Variants in ZNF808 observed in about 807,000 individuals in gnomAD.
ZNF808 encodes zinc finger protein 808.
ZNF808 carries 5 observed loss-of-function variants against 8.7 expected under a neutral mutation model. That is an observed-to-expected ratio of 0.58 (90% confidence interval 0.30 to 1.21). ZNF808 has a LOEUF of 1.21. Ranked by LOEUF, ZNF808 falls within the 50% of genes most tolerant of loss-of-function variation. The probability of loss-of-function intolerance (pLI) is 0.07; values close to 1 mark genes in which losing one functional copy is unlikely to be tolerated. For synonymous variants in ZNF808, 380 were observed against 366.0 expected (o/e 1.04, Z -0.44); for missense variants, 1,103 against 1,098.4 (o/e 1.00, Z -0.06).
chr19:52,567,131 C>T (rs562541349), downstream of ZNF808, among the ~76,000 whole-genome samples: 1 of 151,926 alleles, frequency 6.6e-6, no homozygotes, highest in Non-Finnish European at 1.5e-5. Flanking sequence ...GTTGAATTTT[C>T]AGTAGAGACG....
downstream of ZNF808, among the ~76,000 whole-genome samples, chr19:52,559,150 A>C (rs555120222): frequency 4.5e-4 from 69 of 152,072 alleles, no homozygotes; most frequent in African/African-American, 1.4e-3. Flanking sequence ...TAAAAGAGGA[A>C]GGCCTCTTTG....
intron 1 of ZNF808, among the ~76,000 whole-genome samples, chr19:52,531,617 G>C (rs970458660): frequency 5.9e-5 from 9 of 151,990 alleles, no homozygotes; most frequent in South Asian, 2.1e-4. Flanking sequence ...TCTGAACATC[G>C]CTTTTGGCCA....
At chr19:52,546,899 C>T (rs1175517975) in intron 3 of ZNF808, among the ~76,000 whole-genome samples, 1 of 150,286 alleles carries the variant, frequency 6.7e-6, no homozygotes, top group African/African-American at 2.5e-5. Flanking sequence ...GCCTTGGTCT[C>T]CCAAAATGCT....
intron 3 of ZNF808, 143 bp downstream of exon 3, chr19:52,543,490 A>C: frequency 8.0e-7 from 1 of 1,249,066 alleles, no homozygotes; most frequent in Non-Finnish European, 1.1e-6. Flanking sequence ...ACTTGCACTC[A>C]CCCATGCCTG....
intron 3 of ZNF808, among the ~76,000 whole-genome samples, chr19:52,544,542 G>A (rs2059703009): frequency 6.6e-6 from 1 of 152,048 alleles, no homozygotes; most frequent in South Asian, 2.1e-4. Flanking sequence ...TGTTCGTTAT[G>A]CTGATCTGGA....
chr19:52,557,039 C>T (rs1833234273), downstream of ZNF808, among the ~76,000 whole-genome samples: 1 of 152,246 alleles, frequency 6.6e-6, no homozygotes, highest in Non-Finnish European at 1.5e-5. Context: ...GTGGTGCGAT[C>T]TCAGCTCTGC....
intron 2 of ZNF808, among the ~76,000 whole-genome samples, chr19:52,537,197 C>A (rs536063): frequency 3.3e-5 from 5 of 150,396 alleles, no homozygotes; most frequent in South Asian, 4.2e-4. Context: ...AAAAAAAAAG[C>A]GGTTAAATAA....
chr19:52,543,445 T>A (rs2059692041), intron 3 of ZNF808, 98 bp downstream of exon 3: 1 of 1,497,720 alleles, frequency 6.7e-7, no homozygotes, highest in East Asian at 2.3e-5. Flanking sequence ...GCAGCCAGTC[T>A]TTTCTGAGTC....
At chr19:52,537,040 G>T (rs1349745487) in intron 2 of ZNF808, among the ~76,000 whole-genome samples, 1 of 152,030 alleles carries the variant, frequency 6.6e-6, no homozygotes, top group Non-Finnish European at 1.5e-5. Flanking sequence ...TACAAAACTA[G>T]CTGGGCGCGG....
chr19:52,533,842 CCAAAAAA>C (rs1234940209), intron 2 of ZNF808, among the ~76,000 whole-genome samples: 2 of 55,238 alleles, frequency 3.6e-5, no homozygotes, highest in African/African-American at 1.5e-4. Flanking sequence ...GACTCCGTCT[CCAAAAAA>C]AAAAAAAAAA....
intron 2 of ZNF808, among the ~76,000 whole-genome samples, chr19:52,541,886 C>T (rs2059674275): frequency 6.6e-6 from 1 of 152,116 alleles, no homozygotes; most frequent in Admixed American, 6.6e-5. Context: ...CAGGTGTCCA[C>T]GAGTGGCTTT....
chr19:52,539,235 G>A (rs1460689789), intron 2 of ZNF808, among the ~76,000 whole-genome samples: 6 of 129,214 alleles, frequency 4.6e-5, no homozygotes, highest in African/African-American at 9.0e-5. Flanking sequence ...TCTGTGTCAC[G>A]CAGGCTGGAG....
chr19:52,561,841 C>G (rs113789412), intron 3 of ZNF808, among the ~76,000 whole-genome samples: 91 of 152,298 alleles, frequency 6.0e-4, no homozygotes, highest in African/African-American at 2.1e-3. Flanking sequence ...GCCACGGTGC[C>G]TGGCTGCCTC....
intron 2 of ZNF808, among the ~76,000 whole-genome samples, chr19:52,537,354 T>G (rs2059623323): frequency 3.4e-5 from 5 of 145,160 alleles, no homozygotes; most frequent in East Asian, 2.1e-4. Context: ...AAGGGGAGAA[T>G]GAGAGATATG....
chr19:52,529,113 C>A (rs1396031110), intron 1 of ZNF808, among the ~76,000 whole-genome samples: 1 of 151,758 alleles, frequency 6.6e-6, no homozygotes, highest in African/African-American at 2.4e-5. Context: ...CAGTGGCTCA[C>A]GCCTGTAGTC....
At chr19:52,540,951 T>TGTTTGTTTGTTTTTCTTTGAGA (rs1161376917) in intron 2 of ZNF808, among the ~76,000 whole-genome samples, 1 of 152,092 alleles carries the variant, frequency 6.6e-6, no homozygotes, top group Non-Finnish European at 1.5e-5. Flanking sequence ...AATTTTTGTT[T>TGTTTGTTTGTTTTTCTTTGAGA]GTTTGTTTGT....
intron 2 of ZNF808, among the ~76,000 whole-genome samples, chr19:52,538,855 A>G (rs2059640110): frequency 6.6e-6 from 1 of 152,188 alleles, no homozygotes; most frequent in Admixed American, 6.5e-5. Flanking sequence ...TTCTCTGTTT[A>G]TAAGGTAACA....
rs555198970 is a variant in ZNF808 at position 52,544,341 on chromosome 19, T to C, written c.63+994T>C. ...TGTATGTGTGTATATTATGTATGTA[T>C]TTATTTATTTTAAGATGGAGTCTCA... On this transcript the variant is annotated intron_variant, in intron 3 of 4. Coordinates refer to ENST00000359798, the MANE Select transcript of ZNF808 (RefSeq NM_001039886.4). Among the ~76,000 whole-genome samples, 17 of 152,204 alleles carry C rather than the reference T, an allele frequency of 1.1e-4. No homozygotes were observed. The South Asian group carries it at 3.3e-3, about 30-fold the overall frequency.
At chr19:52,547,702 T>C (rs1160396073) in intron 4 of ZNF808, 64 bp downstream of exon 4, 122 of 1,585,056 alleles carry the variant, frequency 7.7e-5, no homozygotes, top group Non-Finnish European at 1.0e-4. Flanking sequence ...CTTCCTGGTT[T>C]TGTATTCTCT....
Sources: allele counts gnomAD v4.1 joint callset (sites outside exome capture counted in the v4.1 genomes callset), GRCh38; gene constraint gnomAD v4.1.1; transcripts MANE v1.5; gene names NCBI Gene and HGNC (gene_info 2026-07-23, HGNC 2026-07-21).